BBS9: variants seen among roughly 807,000 people sequenced by gnomAD.
BBS9 encodes protein PTHB1.
In BBS9, 89 loss-of-function variants were observed where a neutral mutation model predicts 117.7. The observed-to-expected ratio is 0.76, with a 90% CI of 0.64 to 0.90. The LOEUF is 0.90. BBS9 is among the 40% of genes least tolerant of loss of function. The pLI, the probability that BBS9 is intolerant of heterozygous loss-of-function variation, is 0.00. For synonymous variants in BBS9, 379 were observed against 370.9 expected, an observed-to-expected ratio of 1.02 and a Z score of -0.25; for missense variants, 982 against 1,042.2, an observed-to-expected ratio of 0.94 and a Z score of 0.80.
At chr7:33,213,032 C>T (rs1788326596) in intron 5 of BBS9, among the ~76,000 whole-genome samples, 1 of 152,190 alleles carries the variant, frequency 6.6e-6, no homozygotes, top group Non-Finnish European at 1.5e-5. Flanking sequence ...CCTATGTTCA[C>T]TCAAGGCCCT....
In BBS9 at chr7:33,575,105, G is replaced by A. The variant is rs76241328; in HGVS notation, c.2522-29760G>A. 3.7e-3 allele frequency among the ~76,000 whole-genome samples: 559 copies of A among 152,130 alleles called. 7 individuals are homozygous for A. Among genetic ancestry groups the A allele is most frequent in the African/African-American group, 0.013 (531 of 41,522 alleles). ...AAACTTCAGGACTTGAGGCTGGTAA[G>A]TATTTGTCTTTTAAAAGTATGAAAT... is the stretch of plus-strand genomic sequence containing the variant. On this transcript the variant is annotated intron_variant, in intron 21 of 22. Transcript: ENST00000242067.
chr7:33,559,720 T>G (rs899393426), intron 21 of BBS9, among the ~76,000 whole-genome samples: 1 of 152,176 alleles, frequency 6.6e-6, no homozygotes, highest in African/African-American at 2.4e-5. Flanking sequence ...CTTGAAGTCC[T>G]TCATTGCCTT....
At chr7:33,300,897 TA>T (rs1372423333) in intron 9 of BBS9, among the ~76,000 whole-genome samples, 1 of 152,198 alleles carries the variant, frequency 6.6e-6, no homozygotes, top group East Asian at 1.9e-4. Flanking sequence ...TGAAGGCATT[TA>T]AAAAAATCTG....
intron 15 of BBS9, among the ~76,000 whole-genome samples, chr7:33,355,600 A>G (rs865884180): frequency 6.6e-6 from 1 of 151,976 alleles, no homozygotes; most frequent in African/African-American, 2.4e-5. Context: ...AAACAGGCTT[A>G]TAATTCCTGC....
chr7:33,386,027 C>T (rs1180495664), intron 18 of BBS9, among the ~76,000 whole-genome samples: 1 of 151,956 alleles, frequency 6.6e-6, no homozygotes, highest in East Asian at 1.9e-4. Context: ...ATATACCTAA[C>T]GTAAATGACA....
At chr7:33,411,274 A>G (rs1831098069) in intron 19 of BBS9, among the ~76,000 whole-genome samples, 1 of 152,086 alleles carries the variant, frequency 6.6e-6, no homozygotes, top group Admixed American at 6.6e-5. Flanking sequence ...CCACATCCGA[A>G]ACTAATTTTT....
intron 19 of BBS9, among the ~76,000 whole-genome samples, chr7:33,427,832 A>T (rs1396398483): frequency 6.6e-6 from 1 of 152,204 alleles, no homozygotes; most frequent in East Asian, 1.9e-4. Context: ...GCTACTGTGT[A>T]GCTAAGCGTA....
At chr7:33,350,452 C>T (rs914457326) in intron 13 of BBS9, among the ~76,000 whole-genome samples, 1 of 152,130 alleles carries the variant, frequency 6.6e-6, no homozygotes, top group Non-Finnish European at 1.5e-5. Flanking sequence ...TATTATGGCT[C>T]TCTAATACAG....
chr7:33,189,669 C>CCT, intron 5 of BBS9, among the ~76,000 whole-genome samples: 1 of 151,690 alleles, frequency 6.6e-6, no homozygotes, highest in East Asian at 2.0e-4. Flanking sequence ...GGGCGGATCA[C>CCT]GAGGTCAGGA....
At chr7:33,425,021 A>C (rs1429575797) in intron 19 of BBS9, among the ~76,000 whole-genome samples, 1 of 152,188 alleles carries the variant, frequency 6.6e-6, no homozygotes, top group Non-Finnish European at 1.5e-5. Context: ...GGAAGTGATC[A>C]CATTCTATTT....
intron 5 of BBS9, among the ~76,000 whole-genome samples, chr7:33,228,729 T>G (rs1457152721): frequency 6.6e-6 from 1 of 152,178 alleles, no homozygotes. Context: ...GAAAATATAT[T>G]TACAGTTCAT....
chr7:33,500,024 T>C (rs1283718862), intron 19 of BBS9, among the ~76,000 whole-genome samples: 2 of 152,096 alleles, frequency 1.3e-5, no homozygotes, highest in East Asian at 1.9e-4. Context: ...TTTTGAGCTA[T>C]ATGGAAAATA....
intron 5 of BBS9, among the ~76,000 whole-genome samples, chr7:33,207,894 A>C (rs538517037): frequency 6.6e-6 from 1 of 151,230 alleles, no homozygotes; most frequent in Non-Finnish European, 1.5e-5. Flanking sequence ...TGAAACCTCT[A>C]CCTCCTGGGT....
At chr7:33,211,664 T>C (rs940798261) in intron 5 of BBS9, among the ~76,000 whole-genome samples, 1 of 152,240 alleles carries the variant, frequency 6.6e-6, no homozygotes, top group African/African-American at 2.4e-5. Context: ...AATATTTCTG[T>C]GTCCTTACTA....
intron 19 of BBS9, among the ~76,000 whole-genome samples, chr7:33,400,962 T>C (rs951766491): frequency 5.3e-5 from 8 of 152,248 alleles, no homozygotes; most frequent in Non-Finnish European, 1.0e-4. Context: ...GAATCATTGA[T>C]AGAATGTCAT....
At chr7:33,548,671 T>G (rs1335600896) in intron 21 of BBS9, among the ~76,000 whole-genome samples, 1 of 151,780 alleles carries the variant, frequency 6.6e-6, no homozygotes, top group African/African-American at 2.4e-5. Flanking sequence ...GAACTCCCAT[T>G]CACAATTGCT....
chr7:33,241,922 C>T (rs1651298730), intron 5 of BBS9, among the ~76,000 whole-genome samples: 1 of 151,996 alleles, frequency 6.6e-6, no homozygotes, highest in Admixed American at 6.6e-5. Context: ...ATCTCATTCT[C>T]TATTATTTTT....
intron 21 of BBS9, among the ~76,000 whole-genome samples, chr7:33,621,154 G>A (rs1490612114): frequency 2.0e-5 from 3 of 152,050 alleles, no homozygotes; most frequent in African/African-American, 4.8e-5. Context: ...ATTGATCTGG[G>A]CAGTGATTAT....
rs573097615 is a variant in BBS9, at chr7:33,260,950, G to A, written c.618-3340G>A. 2.1e-3 allele frequency among the ~76,000 whole-genome samples: 323 copies of A among 152,164 alleles called. 2 individuals carry two copies. Among genetic ancestry groups the A allele is most frequent in the African/African-American group, 7.5e-3 (312 of 41,512 alleles). On this transcript the variant is annotated intron_variant, in intron 6 of 22. Transcript: ENST00000242067. Reference sequence around the variant, plus strand: ...CAGCCTTAAATAAATATTTAAAAGTGTTTCTGTTGAATTTAATTGACTGTT... The same window carrying A: ...CAGCCTTAAATAAATATTTAAAAGTATTTCTGTTGAATTTAATTGACTGTT...
Sources: gnomAD v4.1 joint callset for allele counts (sites outside exome capture counted in the v4.1 genomes callset) on GRCh38, gnomAD v4.1.1 for gene constraint, MANE v1.5 for transcripts, NCBI Gene and HGNC (gene_info 2026-07-23, HGNC 2026-07-21) for gene names.